BACC1: variants seen among roughly 807,000 people sequenced by gnomAD.
BACC1 encodes the protein BPTF-associated chromatin complex component 1.
the BACC1 span, chr17:7,015,735 C>A: frequency 7.6e-6 from 12 of 1,577,364 alleles, no homozygotes; most frequent in South Asian, 1.2e-4. Flanking sequence ...CCACACCCCC[C>A]CTCCCATTTT....
the BACC1 span, chr17:7,015,160 C>G: frequency 1.2e-4 from 191 of 1,568,488 alleles, no homozygotes; most frequent in Non-Finnish European, 1.5e-4. Context: ...CTGCGGGGTA[C>G]GTGAGCCCGG....
At chr17:7,016,076 A>T in the BACC1 span, 2 of 569,302 alleles carry the variant, frequency 3.5e-6, no homozygotes, top group Non-Finnish European at 3.1e-6. Context: ...TAATCCTTCC[A>T]AGAATGTGAA....
chr17:7,014,935 A>C, the BACC1 span: 51 of 1,482,360 alleles, frequency 3.4e-5, no homozygotes, highest in Admixed American at 7.1e-4. The surrounding 1 kb of genome is among the most constrained non-coding windows in gnomAD (Gnocchi z 4.5). Context: ...CGGGCCCCCC[A>C]CTTGGCTCGC....
the BACC1 span, chr17:7,017,268 C>A: frequency 6.2e-7 from 1 of 1,614,144 alleles, no homozygotes; most frequent in East Asian, 2.2e-5. Context: ...CAGCCTGACC[C>A]TGGATTCTGG....
chr17:7,017,414 G>A, the BACC1 span: 2 of 1,232,504 alleles, frequency 1.6e-6, no homozygotes, highest in Non-Finnish European at 2.4e-6. Flanking sequence ...CTGAAAGGCT[G>A]CTGGGGCTGC....
the BACC1 span, chr17:7,016,924 G>T: frequency 3.7e-6 from 6 of 1,613,936 alleles, no homozygotes; most frequent in Non-Finnish European, 3.4e-6. Flanking sequence ...GACACTCAGT[G>T]CTCTGAACGA....
chr17:7,015,306 G>A, the BACC1 span: 6 of 1,384,122 alleles, frequency 4.3e-6, no homozygotes, highest in South Asian at 4.9e-5. Context: ...ATCGTTGGGT[G>A]AGGGAATGAA....
the BACC1 span, chr17:7,017,242 T>A: frequency 6.2e-7 from 1 of 1,614,148 alleles, no homozygotes; most frequent in Non-Finnish European, 8.5e-7. Flanking sequence ...CGGCCCATTT[T>A]ACTTCCTGTT....
At chr17:7,014,785 C>G in the BACC1 span, 7 of 1,516,044 alleles carry the variant, frequency 4.6e-6, no homozygotes, top group African/African-American at 4.3e-5. The surrounding 1 kb of genome is among the most constrained non-coding windows in gnomAD (Gnocchi z 4.5). Context: ...GCCGCTCAGT[C>G]TCCCTGCTCT....
At chr17:7,015,626 C>A in the BACC1 span, 1 of 1,323,772 alleles carries the variant, frequency 7.6e-7, no homozygotes, top group Non-Finnish European at 1.0e-6. Context: ...CTTTCCGCCT[C>A]CCCTTACGGA....
the BACC1 span, chr17:7,016,074 C>T: frequency 1.8e-6 from 1 of 568,192 alleles, no homozygotes; most frequent in Non-Finnish European, 3.1e-6. Context: ...GGTAATCCTT[C>T]CAAGAATGTG....
At chr17:7,016,310 C>A in the BACC1 span, 1 of 623,640 alleles carries the variant, frequency 1.6e-6, no homozygotes, top group East Asian at 2.8e-5. Context: ...TCAGGGACTC[C>A]ACTCTCCACA....
the BACC1 span, chr17:7,014,997 C>G: frequency 3.7e-6 from 5 of 1,367,982 alleles, no homozygotes; most frequent in African/African-American, 6.2e-5. The surrounding 1 kb of genome is among the most constrained non-coding windows in gnomAD (Gnocchi z 4.5). Context: ...TGGGGTGGGG[C>G]TAGGGGCTCC....
chr17:7,016,955 T>C, the BACC1 span: 1 of 1,613,872 alleles, frequency 6.2e-7, no homozygotes, highest in South Asian at 1.1e-5. Context: ...AACAGTGACG[T>C]GGTGGATATT....
the BACC1 span, chr17:7,016,549 C>G: frequency 6.2e-7 from 1 of 1,614,144 alleles, no homozygotes; most frequent in African/African-American, 1.3e-5. Context: ...CTGGCATCCC[C>G]CTTCCAGCTG....
the BACC1 span, chr17:7,014,785 C>T: frequency 1.1e-5 from 17 of 1,516,044 alleles, no homozygotes; most frequent in Middle Eastern, 5.3e-4. The surrounding 1 kb of genome is among the most constrained non-coding windows in gnomAD (Gnocchi z 4.5). Context: ...GCCGCTCAGT[C>T]TCCCTGCTCT....
At chr17:7,017,315 C>G in the BACC1 span, 1 of 1,612,196 alleles carries the variant, frequency 6.2e-7, no homozygotes, top group Non-Finnish European at 8.5e-7. Context: ...CTCTCCTCTC[C>G]TGCTGAGCCT....
At chr17:7,015,733 C>G in the BACC1 span, 2,976 of 1,564,606 alleles carry the variant, frequency 1.9e-3, 41 homozygotes, top group African/African-American at 0.036. Flanking sequence ...CTCCACACCC[C>G]CCCTCCCATT....
At chr17:7,017,079 G>A in the BACC1 span, 1 of 1,549,588 alleles carries the variant, frequency 6.5e-7, no homozygotes, top group South Asian at 1.1e-5. Context: ...CTGGATGGCA[G>A]GGCACGGTCT....
Sources: gnomAD v4.1 joint callset for allele counts on GRCh38, gnomAD v4.1.1 for gene constraint, Gnocchi (gnomAD v3.1) non-coding constraint, MANE v1.5 for transcripts, NCBI Gene and HGNC (gene_info 2026-07-23, HGNC 2026-07-21) for gene names.